The following MMP26 variants were observed in gnomAD, a reference collection of about 807,000 sequenced individuals.
MMP26 encodes matrix metalloproteinase-26.
A neutral mutation model predicts 31.0 loss-of-function variants in MMP26; 33 were observed. The ratio of observed to expected loss-of-function variants is 1.06; its 90% confidence interval spans 0.81 to 1.42. MMP26 has a LOEUF of 1.42. MMP26 is among the 40% of genes most tolerant of loss of function. The pLI, the probability that MMP26 is intolerant of heterozygous loss-of-function variation, is 0.00. For missense variants in MMP26, 347 were observed against 316.1 expected (o/e 1.10, Z -0.74); for synonymous variants, 122 against 114.9 (o/e 1.06, Z -0.40).
rs781593010 is a variant in MMP26, at chr11:4,848,374, T to C, written c.-145+81033T>C. The stretch of plus-strand genomic sequence containing the variant: ...TGGACATAGGATAGAAGAGTATGGG[T>C]ATGCTGAGTGATTGGCAGCTCAGGA... On this transcript the variant is annotated intron_variant, in intron 2 of 7. Transcript: ENST00000380390. 6.2e-6 allele frequency: 10 copies of C among 1,614,032 alleles called. No individual in the cohort carries two copies. In the Admixed American group the frequency reaches 6.7e-5, roughly 11 times the overall value.
At chr11:4,723,230 G>T (rs966890430) in intron 1 of MMP26, 5 of 1,317,556 alleles carry the variant, frequency 3.8e-6, no homozygotes, top group Middle Eastern at 2.5e-4. Context: ...CTCAATCTCA[G>T]CCTGGAGCCG....
intron 1 of MMP26, among the ~76,000 whole-genome samples, chr11:4,741,790 C>T (rs1179945698): frequency 6.6e-6 from 1 of 151,960 alleles, no homozygotes; most frequent in Non-Finnish European, 1.5e-5. Flanking sequence ...ATTAAAACAA[C>T]AACAACAACA....
At chr11:4,750,920 T>C (rs2133300644) in intron 1 of MMP26, among the ~76,000 whole-genome samples, 1 of 152,118 alleles carries the variant, frequency 6.6e-6, no homozygotes, top group East Asian at 1.9e-4. Flanking sequence ...TCTATTTTTT[T>C]TTAAAGAATA....
At chr11:4,723,164 C>T in intron 1 of MMP26, 5 of 1,598,004 alleles carry the variant, frequency 3.1e-6, no homozygotes, top group Admixed American at 1.7e-5. Flanking sequence ...CAGCTCCCCA[C>T]GCTGCTCGGC....
intron 1 of MMP26, among the ~76,000 whole-genome samples, chr11:4,741,675 A>G (rs1406402278): frequency 6.6e-6 from 1 of 152,042 alleles, no homozygotes; most frequent in Non-Finnish European, 1.5e-5. Context: ...GAGGGAACTT[A>G]GAGGATAGGT....
chr11:4,768,854 C>A, intron 2 of MMP26: 2 of 510,806 alleles, frequency 3.9e-6, no homozygotes, highest in Non-Finnish European at 6.8e-6. Context: ...AACATATTTA[C>A]TATTTGTTTG....
intron 2 of MMP26, among the ~76,000 whole-genome samples, chr11:4,778,703 C>T (rs1441648574): frequency 6.6e-6 from 1 of 151,962 alleles, no homozygotes; most frequent in Non-Finnish European, 1.5e-5. Flanking sequence ...TTTGAAAGAA[C>T]TTACTTGTTT....
chr11:4,961,664 CT>C (rs1846522720), intron 2 of MMP26, among the ~76,000 whole-genome samples: 1 of 152,192 alleles, frequency 6.6e-6, no homozygotes, highest in African/African-American at 2.4e-5. Context: ...TACTAATGTA[CT>C]AATCTATTCT....
chr11:4,725,776 T>C (rs1848090853), intron 1 of MMP26, among the ~76,000 whole-genome samples: 1 of 152,162 alleles, frequency 6.6e-6, no homozygotes, highest in Non-Finnish European at 1.5e-5. Context: ...AACCTGAAGA[T>C]CAGAAAAAGG....
At chr11:4,754,747 C>T (rs1848486184) in intron 1 of MMP26, among the ~76,000 whole-genome samples, 3 of 151,940 alleles carry the variant, frequency 2.0e-5, no homozygotes, top group Non-Finnish European at 2.9e-5. Flanking sequence ...ACAGGCATTC[C>T]GTGGACAATG....
At chr11:4,915,581 A>C (rs780419885) in intron 2 of MMP26, 29 of 1,613,974 alleles carry the variant, frequency 1.8e-5, no homozygotes, top group Non-Finnish European at 2.3e-5. Context: ...CCAGATGTGC[A>C]TGCGCTCCAG....
chr11:4,707,563 A>C (rs1182707540), intron 1 of MMP26, among the ~76,000 whole-genome samples: 1 of 152,208 alleles, frequency 6.6e-6, no homozygotes, highest in Non-Finnish European at 1.5e-5. Context: ...TCTCCACTTC[A>C]ACTGGGAAAA....
At chr11:4,901,691 A>C (rs1040168537) in intron 2 of MMP26, among the ~76,000 whole-genome samples, 2 of 152,008 alleles carry the variant, frequency 1.3e-5, no homozygotes, top group Non-Finnish European at 2.9e-5. Flanking sequence ...ATACCGCAGG[A>C]TCCCTAAAAA....
intron 2 of MMP26, among the ~76,000 whole-genome samples, chr11:4,950,302 C>G (rs1350548271): frequency 8.3e-6 from 1 of 121,114 alleles, no homozygotes; most frequent in Non-Finnish European, 1.9e-5. Flanking sequence ...CATGGAAAGA[C>G]CTCTGGGAAT....
At chr11:4,882,000 G>C (rs146802719) in intron 2 of MMP26, 2 of 1,613,812 alleles carry the variant, frequency 1.2e-6, no homozygotes, top group Non-Finnish European at 1.7e-6. Flanking sequence ...ATTCCAGTCT[G>C]CTGTCTCTAC....
At chr11:4,848,091 A>G (rs1030178170) in intron 2 of MMP26, 1 of 805,456 alleles carries the variant, frequency 1.2e-6, no homozygotes, top group Non-Finnish European at 1.9e-6. Flanking sequence ...CAATATACAC[A>G]GGCATACTTC....
intron 5 of MMP26, among the ~76,000 whole-genome samples, chr11:4,990,970 A>G (rs1846991328): frequency 1.3e-5 from 2 of 152,198 alleles, no homozygotes; most frequent in African/African-American, 4.8e-5. Flanking sequence ...TGGTGGGGGT[A>G]CTGCACATTT....
chr11:4,751,591 G>A (rs1169122598), intron 1 of MMP26, among the ~76,000 whole-genome samples: 6 of 152,120 alleles, frequency 3.9e-5, no homozygotes, highest in Non-Finnish European at 7.4e-5. Flanking sequence ...AGAGAAAAAA[G>A]TGAATGAAAC....
intron 2 of MMP26, among the ~76,000 whole-genome samples, chr11:4,962,684 CTTGG>C (rs1846536221): frequency 6.6e-6 from 1 of 152,156 alleles, no homozygotes; most frequent in Admixed American, 6.5e-5. Flanking sequence ...GGGTTTAGCA[CTTGG>C]TTGATTTCCG....
Sources: allele counts gnomAD v4.1 joint callset (sites outside exome capture counted in the v4.1 genomes callset), GRCh38; gene constraint gnomAD v4.1.1; transcripts MANE v1.5; gene names NCBI Gene and HGNC (gene_info 2026-07-23, HGNC 2026-07-21).